The following LIMK1 variants were observed in gnomAD, a reference collection of about 807,000 sequenced individuals.
LIMK1 encodes LIM domain kinase 1, also known as LIM motif-containing protein kinase.
Under a neutral mutation model 77.6 loss-of-function variants are expected in LIMK1, and 21 were observed. That is an observed-to-expected ratio of 0.27 (90% CI 0.19 to 0.39). LIMK1 has a LOEUF of 0.39. Among genes scored for constraint, LIMK1 ranks in the 10% least tolerant of loss-of-function variants. The pLI is 1.00. For missense variants in LIMK1, 696 were observed against 901.6 expected (o/e 0.77, Z 2.92); for synonymous variants, 358 against 370.0 (o/e 0.97, Z 0.37).
Position 74,083,925 on chromosome 7 carries a change from G to A in LIMK1, c.-66G>A, listed in dbSNP as rs1799078459. On this transcript the variant is annotated 5_prime_UTR_variant, in exon 1 of 16. Coordinates refer to ENST00000336180, the MANE Select transcript of LIMK1 (RefSeq NM_002314.4). ...CCCGCCTCCCCGGGCCGGCGGCGGT[G>A]GGCGAGCTCGCGGGCCCGGCCGCCC... The A allele has an allele frequency of 2.7e-6, 1 of 377,346 alleles. No individual in the cohort carries two copies. The allele number at this position is 377,346 out of a possible 1,614,324, so 23.4% of individuals were successfully genotyped here. A position where few individuals can be genotyped will look rare whatever the true frequency, so the allele number is the denominator to read the frequency against.
chr7:74,096,767 G>C lies in LIMK1; in HGVS notation c.291+7G>C. 1 of 1,588,300 alleles carries C rather than the reference G, an allele frequency of 6.3e-7. No individual in the cohort carries two copies. Among genetic ancestry groups the C allele is most frequent in the South Asian group, 1.1e-5 (1 of 87,534 alleles). On this transcript the variant is annotated splice_region_variant and intron_variant, in intron 3 of 15. Transcript: ENST00000336180. ...CACCAAGGGACTGGTTATGGTGAGCGCCCCCTGCCTTGCACACTCACCTGG... is the reference window on the plus strand; with the variant it reads ...CACCAAGGGACTGGTTATGGTGAGCCCCCCCTGCCTTGCACACTCACCTGG...
At chr7:74,105,842 T>C (rs1380051295) in intron 5 of LIMK1, 33 bp from the exon 6 acceptor site, 1 of 1,528,980 alleles carries the variant, frequency 6.5e-7, no homozygotes, top group Non-Finnish European at 9.0e-7. Context: ...GAGGGACAGG[T>C]GGGCACTGGC....
chr7:74,097,889 T>A (rs1799368458), intron 4 of LIMK1, among the ~76,000 whole-genome samples: 1 of 152,200 alleles, frequency 6.6e-6, no homozygotes, highest in Admixed American at 6.5e-5. Flanking sequence ...CCCAAGACCC[T>A]GCCAAGTTTG....
chr7:74,101,690 C>A (rs1799460547), intron 5 of LIMK1, among the ~76,000 whole-genome samples: 1 of 152,074 alleles, frequency 6.6e-6, no homozygotes, highest in African/African-American at 2.4e-5. Flanking sequence ...GACCGCTTTT[C>A]ATTTTGTGTA....
Position 74,107,097 on chromosome 7 carries a change from C to G in LIMK1, c.969C>G (p.Ser323=), listed in dbSNP as rs782518278. ...SQRKDLGRSE[S]LRVVCRPHRI... ...GCAAGGACCTGGGTCGCTCTGAGTC[C>G]CTCCGCGTAGTCTGCCGGCCACACC... Residue 323 remains serine, a synonymous_variant, in exon 8 of 16, where the codon TCC becomes TCG. Transcript: ENST00000336180. 1 of 1,612,006 alleles carries G rather than the reference C, an allele frequency of 6.2e-7. No homozygotes were observed. The highest frequency in any genetic ancestry group is 1.7e-5 in the Admixed American group (1 of 59,886).
Position 74,106,129 on chromosome 7 carries a change from A to G in LIMK1, c.767A>G (p.His256Arg). Residue 256 changes from histidine (H) to arginine (R), a missense_variant, in exon 7 of 16, where the codon CAT (histidine) becomes CGT (arginine). His to Arg is a conservative substitution (Grantham distance 29, BLOSUM62 0). Transcript: ENST00000336180. ...CGCCTGCTCCAGCTGACCCTCGAGCATGACCCTCACGATACACTGGGCCAC... is the reference window on the plus strand; with the variant it reads ...CGCCTGCTCCAGCTGACCCTCGAGCGTGACCCTCACGATACACTGGGCCAC... Reference protein sequence around the residue: ...TSRLLQLTLEHDPHDTLGHGL... With the variant: ...TSRLLQLTLERDPHDTLGHGL... 6.2e-7 allele frequency: 1 copy of G among 1,614,066 alleles called. No individual in the cohort carries two copies. The highest frequency in any genetic ancestry group is 8.5e-7 in the Non-Finnish European group (1 of 1,180,036).
At chr7:74,107,991 G>T in intron 9 of LIMK1, 34 bp downstream of exon 9, 2 of 1,472,682 alleles carry the variant, frequency 1.4e-6, no homozygotes, top group Non-Finnish European at 1.9e-6. Flanking sequence ...CCCTCCAGAG[G>T]GACTTCCAGG....
Position 74,120,688 on chromosome 7 carries a change from A to G in LIMK1, c.1623+50A>G, listed in dbSNP as rs1375296099. 4 of 1,600,364 alleles carry G rather than the reference A, an allele frequency of 2.5e-6. No homozygotes were observed. In the African/African-American group the frequency reaches 4.0e-5, roughly 16 times the overall value. Reference sequence around the variant, plus strand: ...GGTGTTGAGGCCTGGGCTCCTCCCCACTCACCCAGGCTGCAGGCTCAGCAT... The same window carrying G: ...GGTGTTGAGGCCTGGGCTCCTCCCCGCTCACCCAGGCTGCAGGCTCAGCAT... On this transcript the variant is annotated intron_variant, in intron 14 of 15. Transcript: ENST00000336180.
In LIMK1 at chr7:74,108,011, C is replaced by T. The variant is rs1274504383; in HGVS notation, c.1152+54C>T. The T allele has an allele frequency of 1.7e-5, 22 of 1,326,766 alleles. 1 individual carries two copies. In the East Asian group the frequency reaches 4.3e-4, roughly 26 times the overall value. The allele number at this position is 1,326,766 out of a possible 1,614,324, so 82.2% of individuals were successfully genotyped here. A position where few individuals can be genotyped will look rare whatever the true frequency, so the allele number is the denominator to read the frequency against. On this transcript the variant is annotated intron_variant, in intron 9 of 15. Transcript: ENST00000336180. ...CAGAGGGACTTCCAGGTGCTCACCC[C>T]TGCCCCATCAACACAGGTCGGAAAA...
intron 10 of LIMK1, chr7:74,110,451 C>T (rs1288525200): frequency 1.3e-5 from 2 of 152,208 alleles, no homozygotes; most frequent in African/African-American, 4.8e-5. Flanking sequence ...CGCAGGTGAC[C>T]TTGCTGGGCC....
intron 4 of LIMK1, among the ~76,000 whole-genome samples, chr7:74,098,059 C>T (rs1004115086): frequency 1.2e-4 from 19 of 152,184 alleles, no homozygotes; most frequent in Admixed American, 6.5e-5. Flanking sequence ...CACTGAGCTT[C>T]AGCAGCCAGA....
chr7:74,089,618 A>G (rs1379078950), intron 2 of LIMK1, among the ~76,000 whole-genome samples: 1 of 151,796 alleles, frequency 6.6e-6, no homozygotes, highest in East Asian at 1.9e-4. Context: ...GGCACTGGGG[A>G]GTTGGTGGTT....
chr7:74,102,484 C>CTTTTTTTTTTTTT lies in LIMK1; in HGVS notation c.608+3252_608+3264dup, dbSNP rs71094754. On this transcript the variant is annotated intron_variant, in intron 5 of 15. Transcript: ENST00000336180. ...GATATTCTCAAAAGAAGGACCTTCT[C>CTTTTTTTTTTTTT]TTTTTTTTTTTTTTTTTTGGAGACA... is the stretch of plus-strand genomic sequence containing the variant. Among the ~76,000 whole-genome samples, 56 of 54,058 alleles carry CTTTTTTTTTTTTT rather than the reference C, an allele frequency of 1.0e-3. 11 individuals carry two copies. The highest frequency in any genetic ancestry group is 7.9e-3 in the East Asian group (10 of 1,260). 35.5% of individuals were successfully genotyped at this position (54,058 alleles called of 152,430 possible).
At position 74,106,208 on chromosome 7, in the gene LIMK1, G is replaced by T; in HGVS notation, c.846G>T (p.Gly282=). The stretch of plus-strand genomic sequence containing the variant: ...GCTCTCCGGCTTATACTCCCAGCGG[G>T]GAGGCGGGCAGCTCTGCCCGGCAGA... ...PLSSPAYTPS[G]EAGSSARQKP... is the part of the protein sequence containing the mutation. Residue 282 remains glycine (G), a synonymous_variant, in exon 7 of 16, where the codon GGG becomes GGT. Coordinates refer to ENST00000336180, the MANE Select transcript of LIMK1 (RefSeq NM_002314.4). 6.2e-7 allele frequency: 1 copy of T among 1,613,704 alleles called. No homozygotes were observed.
In LIMK1 at chr7:74,122,359, C is replaced by G. The variant is rs1799960308; in HGVS notation, c.*1058C>G. On this transcript the variant is annotated 3_prime_UTR_variant, in exon 16 of 16. Transcript: ENST00000336180. ...GTTGAGCATCTAGGAAGTATTAAAA[C>G]TGTGAAGCTTTCTCAGTGCACTTTG... 6.6e-6 allele frequency: 1 copy of G among 152,452 alleles called. No individual in the cohort carries two copies. Among genetic ancestry groups the G allele is most frequent in the Non-Finnish European group, 1.5e-5 (1 of 68,022 alleles). 9.4% of individuals were successfully genotyped at this position (152,452 alleles called of 1,614,324 possible).
intron 10 of LIMK1, chr7:74,109,257 GC>G: frequency 2.0e-6 from 1 of 500,000 alleles, no homozygotes; most frequent in East Asian, 3.9e-5. Context: ...CACTTTGGGA[GC>G]CCAAGGCAAG....
intron 4 of LIMK1, 21 bp from the exon 5 acceptor site, chr7:74,099,011 C>T: frequency 6.3e-7 from 1 of 1,591,498 alleles, no homozygotes; most frequent in Non-Finnish European, 8.6e-7. Context: ...TCTTTTCTTC[C>T]CACCCCGGCG....
In LIMK1 at chr7:74,090,375, G is replaced by GAA. The variant is rs67570180; in HGVS notation, c.152+4540_152+4541dup. The stretch of plus-strand genomic sequence containing the variant: ...GGGTGACAGAGCAAGACTCCATCTC[G>GAA]AAAAAAAAAAGTCTCAATATGGGGA... On this transcript the variant is annotated intron_variant, in intron 2 of 15. Transcript: ENST00000336180. Among the ~76,000 whole-genome samples, 30 of 148,340 alleles carry GAA rather than the reference G, an allele frequency of 2.0e-4. No homozygotes were observed. The South Asian group carries it at 2.6e-3, about 13-fold the overall frequency.
At chr7:74,107,392 A>T (rs1024344321) in intron 8 of LIMK1, among the ~76,000 whole-genome samples, 199 bp downstream of exon 8, 2 of 152,150 alleles carry the variant, frequency 1.3e-5, no homozygotes, top group Admixed American at 6.6e-5. Context: ...TATGTGCGGG[A>T]GGTCATTGAA....
Sources: gnomAD v4.1 joint callset for allele counts (sites outside exome capture counted in the v4.1 genomes callset) on GRCh38, gnomAD v4.1.1 for gene constraint, MANE v1.5 for transcripts, NCBI Gene and HGNC (gene_info 2026-07-23, HGNC 2026-07-21) for gene names.